The following SBNO1 variants were observed in gnomAD, a reference collection of about 807,000 sequenced individuals.
SBNO1 encodes protein strawberry notch homolog 1.
SBNO1 carries 23 observed loss-of-function variants against 173.6 expected under a neutral mutation model. That is an observed-to-expected ratio of 0.13 (90% confidence interval 0.10 to 0.19). The LOEUF (loss-of-function observed/expected upper bound fraction) is 0.19. Among genes scored for constraint, SBNO1 ranks in the 10% least tolerant of loss-of-function variants. The pLI is 1.00. For synonymous variants in SBNO1, 632 were observed against 571.5 expected (o/e 1.11, Z -1.51); for missense variants, 1,238 against 1,671.2 (o/e 0.74, Z 4.52).
In SBNO1 at chr12:123,327,909, A is replaced by G; in HGVS notation, c.1415T>C (p.Val472Ala). The change falls in exon 11 of 32, where the codon GTT (valine) becomes GCT (alanine). Residue 472 changes from valine to alanine, a missense_variant. By Grantham distance (64) the Val-to-Ala change is moderately conservative. Around this residue, in one of 14 missense-constraint regions of SBNO1, gnomAD observed 182 missense variants for 339.9 expected, o/e 0.54. Coordinates refer to ENST00000602398, the MANE Select transcript of SBNO1 (RefSeq NM_001167856.3). ...ATACTCACCAGTTGCACTAGCATAA[A>G]CAACTCTGGCTTTTGGCAATTTGTT... is the stretch of plus-strand genomic sequence containing the variant. ...LQNKLPKARV[V>A]YASATGASEP... is the part of the protein sequence containing the mutation. 1.9e-6 allele frequency: 3 copies of G among 1,612,002 alleles called. No individual in the cohort carries two copies. The highest frequency in any genetic ancestry group is 2.5e-6 in the Non-Finnish European group (3 of 1,178,714).
At chr12:123,345,055 C>A (rs1337363314) in intron 4 of SBNO1, among the ~76,000 whole-genome samples, 1 of 152,146 alleles carries the variant, frequency 6.6e-6, no homozygotes, top group East Asian at 1.9e-4. Context: ...TCCTAGAAAT[C>A]ACATTTCAAA....
intron 4 of SBNO1, among the ~76,000 whole-genome samples, chr12:123,343,621 C>T (rs1202522815): frequency 6.6e-6 from 1 of 151,294 alleles, no homozygotes; most frequent in Non-Finnish European, 1.5e-5. Flanking sequence ...TGACTGCAAC[C>T]TCTGCCTCCT....
At chr12:123,362,070 C>T (rs571272216) in intron 1 of SBNO1, among the ~76,000 whole-genome samples, 27 of 151,406 alleles carry the variant, frequency 1.8e-4, no homozygotes, top group African/African-American at 5.1e-4. Flanking sequence ...ACCCAGGAGG[C>T]AGAGGAATGC....
intron 1 of SBNO1, among the ~76,000 whole-genome samples, chr12:123,354,653 C>T (rs1301277763): frequency 6.6e-6 from 1 of 152,148 alleles, no homozygotes; most frequent in Admixed American, 6.6e-5. Context: ...AGCCAATCTC[C>T]TCCTCATTTT....
chr12:123,309,495 T>C lies in SBNO1; in HGVS notation c.3531A>G (p.Leu1177=). 6.2e-7 allele frequency: 1 copy of C among 1,612,366 alleles called. No individual in the cohort carries two copies. The highest frequency in any genetic ancestry group is 8.5e-7 in the Non-Finnish European group (1 of 1,178,394). Reference sequence around the variant, plus strand: ...CAACATTTTCTAAACTTACTGTGTATAATTCTACGTGGCCAGAGGTTGAAT... The same window carrying C: ...CAACATTTTCTAAACTTACTGTGTACAATTCTACGTGGCCAGAGGTTGAAT... The part of the protein sequence containing the change: ...PGYSTSGHVE[L]YTISVERGMS... Residue 1177 remains leucine, a synonymous_variant, in exon 27 of 32, where the codon TTA becomes TTG. Transcript: ENST00000602398.
At chr12:123,354,113 T>G (rs1357160886) in intron 1 of SBNO1, among the ~76,000 whole-genome samples, 1 of 152,174 alleles carries the variant, frequency 6.6e-6, no homozygotes, top group Non-Finnish European at 1.5e-5. Flanking sequence ...AAAATTTTAC[T>G]GAGAAACTTT....
chr12:123,358,969 G>A (rs1036287131), intron 1 of SBNO1, among the ~76,000 whole-genome samples: 2 of 151,620 alleles, frequency 1.3e-5, no homozygotes, highest in African/African-American at 4.8e-5. Context: ...CTCTTGCTCT[G>A]TCACCCAGGA....
chr12:123,364,552 G>C, intron 1 of SBNO1, 149 bp downstream of exon 1: 1 of 983,676 alleles, frequency 1.0e-6, no homozygotes, highest in Non-Finnish European at 1.2e-6. Flanking sequence ...GCGCGGCCGC[G>C]AGGAGCGGCA....
At chr12:123,358,615 C>T (rs1003456543) in intron 1 of SBNO1, among the ~76,000 whole-genome samples, 6 of 151,572 alleles carry the variant, frequency 4.0e-5, no homozygotes, top group Admixed American at 2.0e-4. Context: ...CGGTGGCAGG[C>T]GCCTGTAGTC....
At chr12:123,352,659 G>A (rs1874017197) in intron 1 of SBNO1, among the ~76,000 whole-genome samples, 1 of 152,156 alleles carries the variant, frequency 6.6e-6, no homozygotes, top group African/African-American at 2.4e-5. Flanking sequence ...ATCCTCTACT[G>A]CGTCTATGTC....
intron 14 of SBNO1, 49 bp downstream of exon 14, chr12:123,326,103 C>A: frequency 7.8e-7 from 1 of 1,282,474 alleles, no homozygotes; most frequent in Non-Finnish European, 1.0e-6. Context: ...CCCACAAAGA[C>A]TAAACAACAT....
At chr12:123,325,410 A>G (rs369626374) in intron 15 of SBNO1, 92 bp downstream of exon 15, 2 of 861,154 alleles carry the variant, frequency 2.3e-6, no homozygotes, top group East Asian at 2.4e-5. Flanking sequence ...CAGGTGAAAC[A>G]AAAGTTTTGT....
intron 20 of SBNO1, among the ~76,000 whole-genome samples, chr12:123,318,065 G>C (rs1227879509): frequency 6.6e-6 from 1 of 152,142 alleles, no homozygotes; most frequent in Non-Finnish European, 1.5e-5. Flanking sequence ...AAGCTCAAGT[G>C]ATCCTTTCAC....
At chr12:123,350,477 C>G in intron 1 of SBNO1, 36 bp from the exon 2 acceptor site, 1 of 1,503,042 alleles carries the variant, frequency 6.7e-7, no homozygotes, top group Non-Finnish European at 9.3e-7. Context: ...ACATAAAAAA[C>G]AAAAAGTGAC....
In SBNO1 at chr12:123,331,254, T is replaced by C. The variant is rs774432507; in HGVS notation, c.1031A>G (p.Lys344Arg). Residue 344 changes from lysine (K) to arginine (R), a missense_variant, in exon 8 of 32, where the codon AAA becomes AGA. This residue lies in a region of SBNO1 where 56 missense variants were observed against 65.1 expected (regional missense o/e 0.86). Transcript: ENST00000602398. ...IIYENYLLSR[K>R]RALWFSVSND... ...TTTAAACACTTACCACAATGCTCGT[T>C]TTCTACTCAACAAATAATTTTCATA... is the stretch of plus-strand genomic sequence containing the variant. 6.2e-7 allele frequency: 1 copy of C among 1,613,862 alleles called. No individual in the cohort carries two copies. The highest frequency in any genetic ancestry group is 8.5e-7 in the Non-Finnish European group (1 of 1,179,858).
chr12:123,320,600 A>C lies in SBNO1; in HGVS notation c.2499T>G (p.Ser833Arg). 1 of 1,610,120 alleles carries C rather than the reference A, an allele frequency of 6.2e-7. No homozygotes were observed. The highest frequency in any genetic ancestry group is 8.5e-7 in the Non-Finnish European group (1 of 1,178,798). The change falls in exon 19 of 32, where the codon AGT becomes AGG. Residue 833 changes from serine to arginine, a missense_variant. Physicochemically the swap from Ser to Arg is moderately radical, Grantham distance 110. Coordinates refer to ENST00000602398, the MANE Select transcript of SBNO1 (RefSeq NM_001167856.3). ...TAAGGCTACTGTTACTGTTGGTGTTACTGTTAGCTAGATAAAGAACATTTG... is the reference window on the plus strand; with the variant it reads ...TAAGGCTACTGTTACTGTTGGTGTTCCTGTTAGCTAGATAAAGAACATTTG... ...SPAPNSTPAN[S>R]NTNSNSSLIT...
rs766528994 is a variant in SBNO1 at position 123,350,283 on chromosome 12, G to A, written c.132+27C>T. ...AAATACTGTAAGCGGAAATCACTAA[G>A]AAAGAGAGGCTTTGGAAAACTCTTA... On this transcript the variant is annotated intron_variant, in intron 2 of 31. Transcript: ENST00000602398. The A allele has an allele frequency of 9.3e-6, 15 of 1,611,322 alleles. No individual in the cohort carries two copies. In the African/African-American group the frequency reaches 1.9e-4, roughly 20 times the overall value.
In SBNO1 at chr12:123,305,631, G is replaced by T. The variant is rs574014379; in HGVS notation, c.3631-912C>A. Among the ~76,000 whole-genome samples, 16 of 152,136 alleles carry T rather than the reference G, an allele frequency of 1.1e-4. No homozygotes were observed. The East Asian group carries it at 3.1e-3, about 29-fold the overall frequency. ...TGGGACTACAGGTACTCACCACCAT[G>T]CCTGGCTAATTTTGTATTTTTAGTA... is the stretch of plus-strand genomic sequence containing the variant. On this transcript the variant is annotated intron_variant, in intron 28 of 31. Coordinates refer to ENST00000602398, the MANE Select transcript of SBNO1 (RefSeq NM_001167856.3).
Position 123,292,551 on chromosome 12 carries a change from T to G in SBNO1, c.*3357A>C. The G allele has an allele frequency of 6.6e-6, 1 of 152,242 alleles. No individual in the cohort carries two copies. Among genetic ancestry groups the G allele is most frequent in the East Asian group, 1.9e-4 (1 of 5,180 alleles). 9.4% of individuals were successfully genotyped at this position (152,242 alleles called of 1,614,324 possible). Reference sequence around the variant, plus strand: ...ACAGCATCCCATGGAGGCCAGCAAATGAATGCCCCAGGGACTACAGCCAGA... The same window carrying G: ...ACAGCATCCCATGGAGGCCAGCAAAGGAATGCCCCAGGGACTACAGCCAGA... On this transcript the variant is annotated 3_prime_UTR_variant, in exon 32 of 32. Transcript: ENST00000602398.
Sources: allele counts gnomAD v4.1 joint callset (sites outside exome capture counted in the v4.1 genomes callset), GRCh38; gene constraint gnomAD v4.1.1; regional missense constraint gnomAD v4.1.1; transcripts MANE v1.5; gene names NCBI Gene and HGNC (gene_info 2026-07-23, HGNC 2026-07-21).